Variants in BORCS8 observed in about 807,000 individuals in gnomAD.
BORCS8 encodes BLOC-1 related complex subunit 8.
In BORCS8, 13 loss-of-function variants were observed where a neutral mutation model predicts 18.7. The observed-to-expected ratio is 0.70, with a 90% CI of 0.45 to 1.11. The LOEUF (loss-of-function observed/expected upper bound fraction) is 1.11, where lower values mean the gene tolerates loss of function less well. Among genes scored for constraint, BORCS8 ranks in the 50% least tolerant of loss-of-function variants. The probability of loss-of-function intolerance (pLI) is 0.00; values close to 1 mark genes in which losing one functional copy is unlikely to be tolerated. For missense variants in BORCS8, 165 were observed against 165.7 expected, an observed-to-expected ratio of 1.00 and a Z score of 0.02; for synonymous variants, 68 against 64.8, an observed-to-expected ratio of 1.05 and a Z score of -0.24.
rs1355787040 is a variant in BORCS8, at chr19:19,177,118, C to G, written c.*385G>C. 1 of 152,174 alleles carries G rather than the reference C, an allele frequency of 6.6e-6. No individual in the cohort carries two copies. Among genetic ancestry groups the G allele is most frequent in the East Asian group, 1.9e-4 (1 of 5,176 alleles). The allele number at this position is 152,174 out of a possible 1,614,324, so 9.4% of individuals were successfully genotyped here. On this transcript the variant is annotated 3_prime_UTR_variant, in exon 6 of 6. Transcript: ENST00000462790. Reference sequence around the variant, plus strand: ...CGCTCATTGGGTCACGTGTCCATCTCAAACCAATCACTAGGAACCTAGGAC... The same window carrying G: ...CGCTCATTGGGTCACGTGTCCATCTGAAACCAATCACTAGGAACCTAGGAC...
chr19:19,181,838 C>T (rs1244029672), intron 4 of BORCS8: 6 of 983,462 alleles, frequency 6.1e-6, no homozygotes, highest in African/African-American at 5.2e-5. Flanking sequence ...GGGAGCCAGA[C>T]GCATCCCAAG....
At chr19:19,191,491 C>CAA (rs34145724) in intron 1 of BORCS8, among the ~76,000 whole-genome samples, 35 of 85,994 alleles carry the variant, frequency 4.1e-4, no homozygotes, top group East Asian at 3.7e-3. Context: ...TACCTTGTCT[C>CAA]AAAAAAAAAA....
chr19:19,183,702 A>G (rs531422635), intron 3 of BORCS8, among the ~76,000 whole-genome samples: 4 of 141,504 alleles, frequency 2.8e-5, no homozygotes, highest in South Asian at 2.3e-4. Context: ...CTCCTGCCTC[A>G]GCCTCCCAAG....
At chr19:19,189,177 C>T (rs1057084141) in intron 1 of BORCS8, among the ~76,000 whole-genome samples, 1 of 152,058 alleles carries the variant, frequency 6.6e-6, no homozygotes, top group Non-Finnish European at 1.5e-5. Context: ...GGGTCTGTTT[C>T]AACAACGGCA....
Position 19,182,599 on chromosome 19 carries a change from A to G in BORCS8, c.300T>C (p.His100=). ...TGTGGCCCTGGGCACTGGCATTCAT[A>G]TGGTCCCGGATGCTGATGGCCTGTT... is the stretch of plus-strand genomic sequence containing the variant. The part of the protein sequence containing the change: ...LLKQAISIRD[H]MNASAQGHSP... Residue 100 remains histidine, a synonymous_variant, in exon 4 of 6, where the codon CAT becomes CAC. Transcript: ENST00000462790. This position sits in a 1 kb window ranked among gnomAD's most constrained non-coding sequence, Gnocchi z 4.1. 6.4e-7 allele frequency: 1 copy of G among 1,551,296 alleles called. No individual in the cohort carries two copies. Among genetic ancestry groups the G allele is most frequent in the Non-Finnish European group, 8.7e-7 (1 of 1,146,936 alleles).
chr19:19,180,565 CCCA>C, intron 5 of BORCS8, 118 bp downstream of exon 5: 1 of 727,526 alleles, frequency 1.4e-6, no homozygotes, highest in Non-Finnish European at 2.4e-6. Context: ...CCGAAATCAT[CCCA>C]CAAGCCCAGT....
At chr19:19,187,621 C>T (rs1283244575) in intron 1 of BORCS8, among the ~76,000 whole-genome samples, 1 of 151,670 alleles carries the variant, frequency 6.6e-6, no homozygotes, top group African/African-American at 2.4e-5. Context: ...TCACCACAAC[C>T]TCCGACTCCC....
At chr19:19,190,717 G>A (rs765735329) in intron 1 of BORCS8, among the ~76,000 whole-genome samples, 4 of 152,108 alleles carry the variant, frequency 2.6e-5, no homozygotes, top group Non-Finnish European at 5.9e-5. Context: ...GAACCCGGGA[G>A]GCGGAGGTTG....
Position 19,182,751 on chromosome 19 carries a change from T to G in BORCS8, c.216-68A>C. ...GGTAACTGTCCCACACCCCAGCACT[T>G]GAGGTCACCACCAGGGCTCGGTGGG... On this transcript the variant is annotated intron_variant, in intron 3 of 5. Transcript: ENST00000462790. The surrounding 1 kb of genome is among the most constrained non-coding windows in gnomAD (Gnocchi z 4.1). 6.7e-7 allele frequency: 1 copy of G among 1,481,664 alleles called. No homozygotes were observed. The highest frequency in any genetic ancestry group is 1.3e-5 in the South Asian group (1 of 77,122). 91.8% of individuals were successfully genotyped at this position (1,481,664 alleles called of 1,614,324 possible).
At chr19:19,183,424 A>AAT (rs1555778067) in intron 3 of BORCS8, among the ~76,000 whole-genome samples, 5 of 151,322 alleles carry the variant, frequency 3.3e-5, no homozygotes, top group South Asian at 2.1e-4. Flanking sequence ...AAAAAAAAAA[A>AAT]ATATACATTT....
intron 5 of BORCS8, chr19:19,180,475 T>C (rs1163055142): frequency 3.4e-6 from 2 of 584,530 alleles, no homozygotes; most frequent in Non-Finnish European, 6.1e-6. Flanking sequence ...GGAGAGAGAG[T>C]GGGAGAGATG....
At chr19:19,189,244 T>C (rs2060442447) in intron 1 of BORCS8, among the ~76,000 whole-genome samples, 1 of 152,146 alleles carries the variant, frequency 6.6e-6, no homozygotes, top group Admixed American at 6.6e-5. Context: ...CAGATCCTGA[T>C]GGTTCCAGTC....
chr19:19,181,992 AC>A, intron 4 of BORCS8: 6 of 985,334 alleles, frequency 6.1e-6, no homozygotes, highest in Non-Finnish European at 6.0e-6. Context: ...TCGTTTTCAG[AC>A]CCCTGGTCCT....
intron 1 of BORCS8, 90 bp from the exon 2 acceptor site, chr19:19,187,095 G>C (rs2060417005): frequency 2.0e-6 from 2 of 976,516 alleles, no homozygotes; most frequent in Non-Finnish European, 3.1e-6. Flanking sequence ...CCAGAGCAAA[G>C]GGGGCATCTG....
chr19:19,188,647 A>C (rs1353096637), intron 1 of BORCS8, among the ~76,000 whole-genome samples: 1 of 151,848 alleles, frequency 6.6e-6, no homozygotes, highest in Non-Finnish European at 1.5e-5. Flanking sequence ...CCAGTGAGAG[A>C]TATGGAAACC....
At chr19:19,180,565 C>T (rs1441460478) in intron 5 of BORCS8, 121 bp downstream of exon 5, 3 of 727,408 alleles carry the variant, frequency 4.1e-6, no homozygotes, top group Non-Finnish European at 7.3e-6. Flanking sequence ...CCGAAATCAT[C>T]CCACAAGCCC....
Position 19,182,456 on chromosome 19 carries a change from A to C in BORCS8, c.326+117T>G. The stretch of plus-strand genomic sequence containing the variant: ...GGACAAGAGGAGGTCACCAGACACC[A>C]GGACAAAAGGAAAGAGACAGTTTTC... On this transcript the variant is annotated intron_variant, in intron 4 of 5. Transcript: ENST00000462790. The surrounding 1 kb of genome is among the most constrained non-coding windows in gnomAD (Gnocchi z 4.1). 1 of 1,452,444 alleles carries C rather than the reference A, an allele frequency of 6.9e-7. No individual in the cohort carries two copies. The highest frequency in any genetic ancestry group is 9.1e-7 in the Non-Finnish European group (1 of 1,103,358). The allele number at this position is 1,452,444 out of a possible 1,614,324, so 90.0% of individuals were successfully genotyped here.
chr19:19,182,152 G>T lies in BORCS8; in HGVS notation c.326+421C>A. The T allele has an allele frequency of 1.6e-6, 1 of 640,872 alleles. No homozygotes were observed. The highest frequency in any genetic ancestry group is 1.9e-6 in the Non-Finnish European group (1 of 513,530). 39.7% of individuals were successfully genotyped at this position (640,872 alleles called of 1,614,324 possible). On this transcript the variant is annotated intron_variant, in intron 4 of 5. Transcript: ENST00000462790. This position sits in a 1 kb window ranked among gnomAD's most constrained non-coding sequence, Gnocchi z 4.1. ...CTCCCAGGGATCCCAGCCCCAGAGC[G>T]TCTGCCCTCACCACTGCCCCACATG...
intron 1 of BORCS8, 147 bp downstream of exon 1, chr19:19,191,933 CA>C (rs1301838247): frequency 2.2e-6 from 2 of 921,114 alleles, no homozygotes; most frequent in Admixed American, 4.8e-5. Context: ...AGCCTTTCTA[CA>C]GGTTTCAAAA....
Sources: gnomAD v4.1 joint callset for allele counts (sites outside exome capture counted in the v4.1 genomes callset) on GRCh38, gnomAD v4.1.1 for gene constraint, Gnocchi (gnomAD v3.1) non-coding constraint, MANE v1.5 for transcripts, NCBI Gene and HGNC (gene_info 2026-07-23, HGNC 2026-07-21) for gene names.